The following AHI1 variants were observed in gnomAD, a reference collection of about 807,000 sequenced individuals.
AHI1 encodes the protein Abelson helper integration site 1.
Under a neutral mutation model 149.3 loss-of-function variants are expected in AHI1, and 123 were observed. That is an observed-to-expected ratio of 0.82 (90% CI 0.71 to 0.96). AHI1 has a LOEUF of 0.96. Ranked by LOEUF, AHI1 falls within the 40% of genes least tolerant of loss-of-function variation. The pLI is 0.00. For synonymous variants in AHI1, 475 were observed against 459.8 expected, an observed-to-expected ratio of 1.03 and a Z score of -0.42; for missense variants, 1,439 against 1,422.7, an observed-to-expected ratio of 1.01 and a Z score of -0.18.
chr6:135,475,161 AT>A (rs1792395541), intron 5 of AHI1, among the ~76,000 whole-genome samples: 4 of 152,254 alleles, frequency 2.6e-5, no homozygotes, highest in Middle Eastern at 3.4e-3. Context: ...TAATTTACAC[AT>A]TTCATCTAAA....
chr6:135,301,587 C>T (rs1783885365), intron 26 of AHI1: 5 of 985,242 alleles, frequency 5.1e-6, no homozygotes, highest in Non-Finnish European at 4.8e-6. Flanking sequence ...GGATATTATG[C>T]TTTTCTGGAC....
intron 7 of AHI1, among the ~76,000 whole-genome samples, chr6:135,464,427 T>C (rs1357198640): frequency 1.3e-5 from 2 of 152,204 alleles, no homozygotes; most frequent in African/African-American, 2.4e-5. Flanking sequence ...TATACTATGG[T>C]AGGAAGCCTC....
chr6:135,319,307 C>A (rs1786453009), intron 25 of AHI1, among the ~76,000 whole-genome samples: 1 of 152,144 alleles, frequency 6.6e-6, no homozygotes, highest in Non-Finnish European at 1.5e-5. Flanking sequence ...GAAACCCCAT[C>A]CCTACCCAAA....
At chr6:135,301,469 T>C (rs775484328) in intron 26 of AHI1, 16 of 985,458 alleles carry the variant, frequency 1.6e-5, no homozygotes, top group Non-Finnish European at 1.9e-5. Context: ...GAAGCTTGTT[T>C]GGCCTTTTTA....
Position 135,487,957 on chromosome 6 carries a change from T to C in AHI1, c.135+2666A>G, listed in dbSNP as rs570070989. The stretch of plus-strand genomic sequence containing the variant: ...ATATTTCTCTAATAATGCACATATG[T>C]TTACAACTACCATCACAAATGACTG... On this transcript the variant is annotated intron_variant, in intron 5 of 28. Transcript: ENST00000265602. Among the ~76,000 whole-genome samples, 10 of 152,246 alleles carry C rather than the reference T, an allele frequency of 6.6e-5. No homozygotes were observed. In the South Asian group the frequency reaches 2.1e-3, roughly 32 times the overall value.
chr6:135,356,939 C>T lies in AHI1; in HGVS notation c.3165+1193G>A, dbSNP rs369311946. 8.6e-5 allele frequency among the ~76,000 whole-genome samples: 13 copies of T among 151,992 alleles called. 1 individual carries two copies. The highest frequency in any genetic ancestry group is 1.9e-4 in the East Asian group (1 of 5,168). On this transcript the variant is annotated intron_variant, in intron 24 of 28. Transcript: ENST00000265602. Reference sequence around the variant, plus strand: ...ACACAATTCAAATACTTTAATATTACCTTTATTTATTTATTTTTGAGATGG... The same window carrying T: ...ACACAATTCAAATACTTTAATATTATCTTTATTTATTTATTTTTGAGATGG...
intron 24 of AHI1, among the ~76,000 whole-genome samples, chr6:135,348,184 A>G (rs1791542080): frequency 6.6e-6 from 1 of 152,204 alleles, no homozygotes; most frequent in Non-Finnish European, 1.5e-5. Context: ...AAAACAATCT[A>G]TGGAACATTA....
At chr6:135,330,501 C>T (rs1788399610) in intron 24 of AHI1, among the ~76,000 whole-genome samples, 1 of 152,318 alleles carries the variant, frequency 6.6e-6, no homozygotes, top group South Asian at 2.1e-4. Context: ...TAATAGACTA[C>T]AGTAAACATA....
chr6:135,388,014 G>T (rs1219501979), intron 23 of AHI1: 53 of 1,613,724 alleles, frequency 3.3e-5, no homozygotes, highest in Non-Finnish European at 4.3e-5. Flanking sequence ...TACATGTGTT[G>T]AATTCAGCAA....
chr6:135,341,613 C>T (rs1411615678), intron 24 of AHI1, among the ~76,000 whole-genome samples: 1 of 151,748 alleles, frequency 6.6e-6, no homozygotes, highest in East Asian at 1.9e-4. Context: ...ATTTTAAAAA[C>T]CTGAAAGCAC....
intron 23 of AHI1, among the ~76,000 whole-genome samples, chr6:135,376,914 A>C (rs1247491364): frequency 7.4e-6 from 1 of 134,594 alleles, no homozygotes; most frequent in African/African-American, 2.7e-5. Context: ...AAAAAAAAAA[A>C]AAAAAAAGTT....
chr6:135,433,223 A>G lies in AHI1; in HGVS notation c.2070T>C (p.Thr690=). ...IWKNEINNTN[T]FRVLPHPSFV... is the part of the protein sequence containing the mutation. ...AAGAAGGATGAGGTAAAACTCTGAA[A>G]GTATTTGTATTGTTTATTTCATTTT... Residue 690 remains threonine, a synonymous_variant, in exon 16 of 29, where the codon ACT becomes ACC. Coordinates refer to ENST00000265602, the MANE Select transcript of AHI1 (RefSeq NM_001134831.2). 1 of 1,610,440 alleles carries G rather than the reference A, an allele frequency of 6.2e-7. No individual in the cohort carries two copies. Among genetic ancestry groups the G allele is most frequent in the Non-Finnish European group, 8.5e-7 (1 of 1,176,858 alleles).
At chr6:135,330,777 G>C (rs1343933952) in intron 24 of AHI1, among the ~76,000 whole-genome samples, 1 of 152,166 alleles carries the variant, frequency 6.6e-6, no homozygotes, top group Non-Finnish European at 1.5e-5. Context: ...ACGGGAATCT[G>C]CTTGTATTTC....
At chr6:135,448,708 G>T (rs929210787) in intron 11 of AHI1, among the ~76,000 whole-genome samples, 1 of 152,084 alleles carries the variant, frequency 6.6e-6, no homozygotes, top group South Asian at 2.1e-4. Flanking sequence ...CTCTTTTCAC[G>T]TGTACAACAA....
chr6:135,471,629 T>G (rs1023160417), intron 5 of AHI1, among the ~76,000 whole-genome samples: 2 of 150,468 alleles, frequency 1.3e-5, no homozygotes, highest in Non-Finnish European at 2.9e-5. Flanking sequence ...ATGTTCCTAT[T>G]ATACCTTTGC....
rs574033007 is a variant in AHI1 at position 135,290,913 on chromosome 6, A to AACACACACACACACACAC, written c.3486-406_3486-389dup. On this transcript the variant is annotated intron_variant, in intron 27 of 28. Transcript: ENST00000265602. Reference sequence around the variant, plus strand: ...ATCAACTTAGGTGGAAACACACACAAACACACACACACACACACACACACA... The same window carrying AACACACACACACACACAC: ...ATCAACTTAGGTGGAAACACACACAAACACACACACACACACACACACACACACACACACACACACACA... Among the ~76,000 whole-genome samples the AACACACACACACACACAC allele has an allele frequency of 1.8e-3, 264 of 146,252 alleles. 2 individuals carry two copies. Among genetic ancestry groups the AACACACACACACACACAC allele is most frequent in the African/African-American group, 6.3e-3 (250 of 39,618 alleles).
At chr6:135,406,385 T>C (rs1035217745) in intron 21 of AHI1, among the ~76,000 whole-genome samples, 2 of 152,226 alleles carry the variant, frequency 1.3e-5, no homozygotes, top group Non-Finnish European at 2.9e-5. Context: ...GGAGTCCAAC[T>C]ACCTGGGCTG....
chr6:135,497,164 TTATAAA>T lies in AHI1; in HGVS notation c.-140+18_-140+23del, dbSNP rs992241296. ...CAACCCTATTAATATAATTTGGCTC[TTATAAA>T]TATAACAAATTGATCACCTTTTCTC... On this transcript the variant is annotated intron_variant, in intron 2 of 28. Transcript: ENST00000265602. 2.6e-5 allele frequency: 4 copies of T among 152,228 alleles called. No individual in the cohort carries two copies. The highest frequency in any genetic ancestry group is 6.5e-5 in the Admixed American group (1 of 15,288). 9.4% of individuals were successfully genotyped at this position (152,228 alleles called of 1,614,324 possible). A position where few individuals can be genotyped will look rare whatever the true frequency, so the allele number is the denominator to read the frequency against.
rs749677725 is a variant in AHI1 at position 135,463,235 on chromosome 6, G to A, written c.821C>T (p.Ser274Leu). 1.2e-6 allele frequency: 2 copies of A among 1,610,332 alleles called. No homozygotes were observed. Among genetic ancestry groups the A allele is most frequent in the Non-Finnish European group, 1.7e-6 (2 of 1,179,308 alleles). The change falls in exon 8 of 29, where the codon TCA (serine) becomes TTA (leucine). Residue 274 changes from serine (S) to leucine (L), a missense_variant. By Grantham distance (145) the Ser-to-Leu change is moderately radical. Coordinates refer to ENST00000265602, the MANE Select transcript of AHI1 (RefSeq NM_001134831.2). ...KKESSVRSVSSDSHQDDEISS... is the reference protein window; with the variant it reads ...KKESSVRSVSLDSHQDDEISS... ...TATTTCATCATCTTGATGAGAATCTGAAGAAACTGATCTAACTGAAGATTC... is the reference window on the plus strand; with the variant it reads ...TATTTCATCATCTTGATGAGAATCTAAAGAAACTGATCTAACTGAAGATTC...
Sources: allele counts gnomAD v4.1 joint callset (sites outside exome capture counted in the v4.1 genomes callset), GRCh38; gene constraint gnomAD v4.1.1; transcripts MANE v1.5; gene names NCBI Gene and HGNC (gene_info 2026-07-23, HGNC 2026-07-21).